The following PARD3B variants were observed in gnomAD, a reference collection of about 807,000 sequenced individuals.
PARD3B encodes the protein par-3 family cell polarity regulator beta.
In PARD3B, 103 loss-of-function variants were observed where a neutral mutation model predicts 130.2. The observed-to-expected ratio is 0.79, with a 90% CI of 0.67 to 0.93. The LOEUF is 0.93. Ranked by LOEUF, PARD3B falls within the 40% of genes least tolerant of loss-of-function variation. The probability of loss-of-function intolerance (pLI) is 0.00; values close to 1 mark genes in which losing one functional copy is unlikely to be tolerated. For missense variants in PARD3B, 1,609 were observed against 1,499.2 expected (o/e 1.07, Z -1.21); for synonymous variants, 583 against 553.2 (o/e 1.05, Z -0.76).
chr2:205,056,803 A>G lies in PARD3B; in HGVS notation c.504+9113A>G, dbSNP rs553426868. The stretch of plus-strand genomic sequence containing the variant: ...TAGATACTGAAAGCAACAGAAGTCA[A>G]AATTGATTTACTTAAAGAAATTGTC... On this transcript the variant is annotated intron_variant, in intron 4 of 22. Coordinates refer to ENST00000406610, the MANE Select transcript of PARD3B (RefSeq NM_001302769.2). 2.6e-5 allele frequency among the ~76,000 whole-genome samples: 4 copies of G among 151,982 alleles called. No homozygotes were observed. In the East Asian group the frequency reaches 7.7e-4, roughly 29 times the overall value.
intron 18 of PARD3B, among the ~76,000 whole-genome samples, chr2:205,303,683 C>A (rs1201749366): frequency 2.0e-5 from 3 of 152,178 alleles, no homozygotes; most frequent in Non-Finnish European, 2.9e-5. Flanking sequence ...CTCCTCACTC[C>A]AGAAGCACAC....
At chr2:205,127,296 CA>C (rs34822432) in intron 10 of PARD3B, among the ~76,000 whole-genome samples, 124 of 100,640 alleles carry the variant, frequency 1.2e-3, no homozygotes, top group East Asian at 0.011. Context: ...GACTCTGTCT[CA>C]AAAAAAAAAA....
At chr2:205,343,339 A>G (rs1017431498) in intron 18 of PARD3B, among the ~76,000 whole-genome samples, 16 of 152,202 alleles carry the variant, frequency 1.1e-4, no homozygotes, top group African/African-American at 3.9e-4. Context: ...GGAGATAAAA[A>G]TGGTGTGACT....
chr2:205,499,799 C>T, intron 20 of PARD3B, 97 bp from the exon 21 acceptor site: 5 of 1,280,486 alleles, frequency 3.9e-6, no homozygotes, highest in South Asian at 1.8e-5. Flanking sequence ...TTGAATCTTC[C>T]AAATTTAGAT....
chr2:204,672,929 T>C (rs2036373756), intron 1 of PARD3B, among the ~76,000 whole-genome samples: 1 of 152,226 alleles, frequency 6.6e-6, no homozygotes, highest in Non-Finnish European at 1.5e-5. Context: ...ACATCAGAAA[T>C]GGCGCTGCCT....
chr2:204,823,750 A>G (rs2043459542), intron 2 of PARD3B, among the ~76,000 whole-genome samples: 1 of 152,088 alleles, frequency 6.6e-6, no homozygotes, highest in Non-Finnish European at 1.5e-5. Context: ...GACCAGCTGG[A>G]CCAGTATGGT....
chr2:205,450,466 CTTTTTTTTTT>C (rs869229400), intron 20 of PARD3B, among the ~76,000 whole-genome samples: 1 of 78,378 alleles, frequency 1.3e-5, no homozygotes, highest in Non-Finnish European at 2.3e-5. Flanking sequence ...AGTGCAGATT[CTTTTTTTTTT>C]TTTTTTTTTT....
chr2:205,059,373 C>T (rs1293033854), intron 4 of PARD3B, among the ~76,000 whole-genome samples: 1 of 152,026 alleles, frequency 6.6e-6, no homozygotes, highest in Non-Finnish European at 1.5e-5. Flanking sequence ...TTCACATGTG[C>T]AAAGAAAGCT....
In PARD3B at chr2:204,689,547, C is replaced by T. The variant is rs114230099; in HGVS notation, c.222+3265C>T. 6.2e-3 allele frequency among the ~76,000 whole-genome samples: 947 copies of T among 152,200 alleles called. 15 individuals are homozygous for T. The highest frequency in any genetic ancestry group is 0.021 in the African/African-American group (874 of 41,538). On this transcript the variant is annotated intron_variant, in intron 2 of 22. Coordinates refer to ENST00000406610, the MANE Select transcript of PARD3B (RefSeq NM_001302769.2). The surrounding 1 kb of genome is among the most constrained non-coding windows in gnomAD (Gnocchi z 5.2). ...TAAATATCTAAGAATTGTAATTTTA[C>T]ACTCATGTCTCCTCTCTGGTTGCTA...
chr2:205,148,887 C>A (rs898583811), intron 10 of PARD3B, among the ~76,000 whole-genome samples: 1 of 152,116 alleles, frequency 6.6e-6, no homozygotes, highest in Non-Finnish European at 1.5e-5. Context: ...TCGTGCTGAG[C>A]CAAGAGCACA....
chr2:204,684,186 T>C (rs1173105957), intron 1 of PARD3B, among the ~76,000 whole-genome samples: 1 of 152,190 alleles, frequency 6.6e-6, no homozygotes, highest in Non-Finnish European at 1.5e-5. Flanking sequence ...ATTATTTACC[T>C]CCATCGTAGG....
intron 15 of PARD3B, among the ~76,000 whole-genome samples, chr2:205,237,678 G>C (rs2039129992): frequency 6.6e-6 from 1 of 152,142 alleles, no homozygotes; most frequent in Non-Finnish European, 1.5e-5. Flanking sequence ...GAACAAGAGT[G>C]TGATTAGAGC....
chr2:204,990,905 G>A (rs1216973304), intron 3 of PARD3B, among the ~76,000 whole-genome samples: 1 of 152,074 alleles, frequency 6.6e-6, no homozygotes, highest in Non-Finnish European at 1.5e-5. Flanking sequence ...GTGTGAGATA[G>A]GGGTACAGCT....
chr2:204,699,912 C>T (rs2037811728), intron 2 of PARD3B, among the ~76,000 whole-genome samples: 1 of 152,102 alleles, frequency 6.6e-6, no homozygotes, highest in Admixed American at 6.6e-5. Flanking sequence ...TGGAATGCAG[C>T]TTCTGACTGG....
At chr2:205,073,208 G>A (rs1700846617) in intron 4 of PARD3B, among the ~76,000 whole-genome samples, 2 of 152,116 alleles carry the variant, frequency 1.3e-5, no homozygotes, top group African/African-American at 4.8e-5. Context: ...CTTAAAAAAT[G>A]TAAATGTAAA....
intron 1 of PARD3B, among the ~76,000 whole-genome samples, chr2:204,574,339 C>T (rs1171781554): frequency 1.3e-5 from 2 of 152,158 alleles, no homozygotes; most frequent in African/African-American, 4.8e-5. Flanking sequence ...TGATCTCATA[C>T]TTTATTCATA....
At chr2:204,861,164 CT>C (rs2045172958) in intron 2 of PARD3B, among the ~76,000 whole-genome samples, 1 of 17,752 alleles carries the variant, frequency 5.6e-5, no homozygotes, top group Non-Finnish European at 8.9e-5. Flanking sequence ...TAATACCTTT[CT>C]CTCTCTCTCT....
chr2:205,130,415 A>C (rs1318594657), intron 10 of PARD3B, among the ~76,000 whole-genome samples: 1 of 152,180 alleles, frequency 6.6e-6, no homozygotes, highest in Non-Finnish European at 1.5e-5. Flanking sequence ...ATAAAGCCGT[A>C]TTTCCACTTA....
At chr2:204,627,947 A>G (rs2034542830) in intron 1 of PARD3B, among the ~76,000 whole-genome samples, 1 of 150,738 alleles carries the variant, frequency 6.6e-6, no homozygotes, top group Non-Finnish European at 1.5e-5. Context: ...CCTAACACAA[A>G]TTAGTAAACT....
Sources: allele counts gnomAD v4.1 joint callset (sites outside exome capture counted in the v4.1 genomes callset), GRCh38; gene constraint gnomAD v4.1.1; non-coding constraint Gnocchi (gnomAD v3.1); transcripts MANE v1.5; gene names NCBI Gene and HGNC (gene_info 2026-07-23, HGNC 2026-07-21).